The following ABI1 variants were observed in gnomAD, a reference collection of about 807,000 sequenced individuals.
ABI1 encodes abl interactor 1.
Under a neutral mutation model 54.6 loss-of-function variants are expected in ABI1, and 14 were observed. That is an observed-to-expected ratio of 0.26 (90% CI 0.17 to 0.40). The LOEUF (loss-of-function observed/expected upper bound fraction) is 0.40. ABI1 is among the 10% of genes least tolerant of loss of function. ABI1 has a pLI of 1.00. For missense variants in ABI1, 443 were observed against 598.3 expected, an observed-to-expected ratio of 0.74 and a Z score of 2.71; for synonymous variants, 194 against 209.3, an observed-to-expected ratio of 0.93 and a Z score of 0.63.
At chr10:26,751,563 T>A in intron 10 of ABI1, 35 bp downstream of exon 10, 1 of 1,586,590 alleles carries the variant, frequency 6.3e-7, no homozygotes, top group Non-Finnish European at 8.6e-7. Context: ...AATTAGGTTA[T>A]TTTCCTTCAC....
intron 2 of ABI1, among the ~76,000 whole-genome samples, chr10:26,797,226 TGC>T (rs1844298939): frequency 2.0e-5 from 3 of 152,256 alleles, no homozygotes; most frequent in Non-Finnish European, 4.4e-5. Context: ...GTTCAAATGA[TGC>T]CATTTAATAG....
intron 2 of ABI1, among the ~76,000 whole-genome samples, chr10:26,814,771 A>G (rs936227961): frequency 2.0e-5 from 3 of 152,176 alleles, no homozygotes; most frequent in Non-Finnish European, 2.9e-5. Flanking sequence ...AAAACTTTAT[A>G]AATCTAAAAC....
Position 26,860,323 on chromosome 10 carries a change from C to A in ABI1, c.117+424G>T, listed in dbSNP as rs1449373626. 1.3e-5 allele frequency among the ~76,000 whole-genome samples: 2 copies of A among 152,156 alleles called. No individual in the cohort carries two copies. Reference sequence around the variant, plus strand: ...TGCCCTCTCCTCTCCCCTCTCCCGTCCTGGACCTCCTCTCCCGGCGCAGAG... The same window carrying A: ...TGCCCTCTCCTCTCCCCTCTCCCGTACTGGACCTCCTCTCCCGGCGCAGAG... On this transcript the variant is annotated intron_variant, in intron 1 of 10. Transcript: ENST00000376140. The surrounding 1 kb of genome is among the most constrained non-coding windows in gnomAD (Gnocchi z 4.1).
chr10:26,752,422 T>A (rs1451140179), intron 9 of ABI1, among the ~76,000 whole-genome samples: 1 of 152,200 alleles, frequency 6.6e-6, no homozygotes, highest in Admixed American at 6.5e-5. Context: ...AAAATCTAAT[T>A]GAGTATTTTT....
At chr10:26,788,838 G>A (rs1415192228) in intron 2 of ABI1, among the ~76,000 whole-genome samples, 4 of 150,742 alleles carry the variant, frequency 2.7e-5, no homozygotes, top group Non-Finnish European at 4.4e-5. Context: ...GCATGAACCT[G>A]GGAGGCAGAG....
Position 26,808,631 on chromosome 10 carries a change from G to A in ABI1, c.285+14507C>T, listed in dbSNP as rs188037440. On this transcript the variant is annotated intron_variant, in intron 2 of 10. Coordinates refer to ENST00000376140, the MANE Select transcript of ABI1 (RefSeq NM_001012750.3). Reference sequence around the variant, plus strand: ...TCAGCTACTCAGGAGGCTGAGGCAGGAGAATCGCTTGAACGCAGGAGGCAG... The same window carrying A: ...TCAGCTACTCAGGAGGCTGAGGCAGAAGAATCGCTTGAACGCAGGAGGCAG... 5.8e-4 allele frequency among the ~76,000 whole-genome samples: 88 copies of A among 151,826 alleles called. No individual in the cohort carries two copies. The East Asian group carries it at 0.016, about 28-fold the overall frequency.
At chr10:26,755,353 T>C (rs891242487) in intron 9 of ABI1, among the ~76,000 whole-genome samples, 4 of 152,206 alleles carry the variant, frequency 2.6e-5, no homozygotes, top group Admixed American at 6.5e-5. Context: ...AAAGTTTCCA[T>C]ATAATTTGAA....
At chr10:26,776,059 C>A (rs1841371863) in intron 3 of ABI1, among the ~76,000 whole-genome samples, 1 of 152,176 alleles carries the variant, frequency 6.6e-6, no homozygotes, top group South Asian at 2.1e-4. Context: ...ACAATCCTAG[C>A]CACATCCCTG....
intron 2 of ABI1, among the ~76,000 whole-genome samples, chr10:26,800,113 G>A (rs1399915430): frequency 6.6e-6 from 1 of 152,148 alleles, no homozygotes; most frequent in Non-Finnish European, 1.5e-5. Flanking sequence ...GCCGGGCGCA[G>A]TGGCTCAAGC....
At chr10:26,785,639 C>T (rs1306371980) in intron 2 of ABI1, among the ~76,000 whole-genome samples, 1 of 151,784 alleles carries the variant, frequency 6.6e-6, no homozygotes, top group Non-Finnish European at 1.5e-5. Context: ...GCATGAGAAT[C>T]GCTTGAACCC....
At chr10:26,834,985 C>T (rs2048947979) in intron 1 of ABI1, among the ~76,000 whole-genome samples, 1 of 150,962 alleles carries the variant, frequency 6.6e-6, no homozygotes, top group Admixed American at 6.6e-5. Context: ...CACCTGTAAT[C>T]CCAGCTACTC....
intron 1 of ABI1, among the ~76,000 whole-genome samples, chr10:26,838,712 G>A (rs933078642): frequency 6.6e-6 from 1 of 152,178 alleles, no homozygotes; most frequent in Non-Finnish European, 1.5e-5. Context: ...CAAGGATTCT[G>A]TTGCAATATG....
chr10:26,777,875 A>C (rs1159839497), intron 2 of ABI1, among the ~76,000 whole-genome samples: 2 of 151,980 alleles, frequency 1.3e-5, no homozygotes, highest in Admixed American at 6.6e-5. Context: ...CTCCCCACAC[A>C]CCCCCCAAAA....
At chr10:26,782,846 G>T (rs1413947788) in intron 2 of ABI1, among the ~76,000 whole-genome samples, 2 of 152,088 alleles carry the variant, frequency 1.3e-5, no homozygotes, top group African/African-American at 4.8e-5. Context: ...CATAATGATG[G>T]TTACTATCAA....
At chr10:26,815,200 GC>G (rs11419791) in intron 2 of ABI1, among the ~76,000 whole-genome samples, 79 of 151,456 alleles carry the variant, frequency 5.2e-4, no homozygotes, top group African/African-American at 1.6e-3. Flanking sequence ...AAGAATAAAT[GC>G]CCCCCCCAAA....
intron 7 of ABI1, 83 bp from the exon 8 acceptor site, chr10:26,759,321 G>T: frequency 8.8e-7 from 1 of 1,131,738 alleles, no homozygotes; most frequent in Non-Finnish European, 1.2e-6. Context: ...GCAGGAGGGG[G>T]CCTCAGTAAG....
chr10:26,812,211 A>G (rs972169792), intron 2 of ABI1, among the ~76,000 whole-genome samples: 24 of 152,142 alleles, frequency 1.6e-4, no homozygotes, highest in Admixed American at 7.2e-4. Flanking sequence ...CTTCTGCCAG[A>G]AGGTAACATC....
intron 1 of ABI1, among the ~76,000 whole-genome samples, chr10:26,835,551 G>A (rs770925809): frequency 2.9e-4 from 44 of 150,996 alleles, no homozygotes; most frequent in Non-Finnish European, 5.0e-4. Flanking sequence ...TTTCAGCCTC[G>A]GTGAAAGAGT....
intron 2 of ABI1, among the ~76,000 whole-genome samples, chr10:26,791,085 A>AAC (rs1843382225): frequency 1.3e-5 from 2 of 151,644 alleles, no homozygotes; most frequent in Admixed American, 6.6e-5. Flanking sequence ...AAAAAAAAAA[A>AAC]AAAAAACAGA....
Sources: allele counts gnomAD v4.1 joint callset (sites outside exome capture counted in the v4.1 genomes callset), GRCh38; gene constraint gnomAD v4.1.1; non-coding constraint Gnocchi (gnomAD v3.1); transcripts MANE v1.5; gene names NCBI Gene and HGNC (gene_info 2026-07-23, HGNC 2026-07-21).